RYR2: variants seen among roughly 807,000 people sequenced by gnomAD.
RYR2 encodes the protein cardiac muscle ryanodine receptor-calcium release channel.
RYR2 carries 227 observed loss-of-function variants against 601.1 expected under a neutral mutation model. That is an observed-to-expected ratio of 0.38 (90% CI 0.34 to 0.42). RYR2 has a LOEUF of 0.42. Among genes scored for constraint, RYR2 ranks in the 10% least tolerant of loss-of-function variants. RYR2 has a pLI of 1.00. For missense variants in RYR2, 4,646 were observed against 6,156.5 expected (o/e 0.75, Z 8.21); for synonymous variants, 2,223 against 2,175.1 (o/e 1.02, Z -0.61).
intron 64 of RYR2, 78 bp downstream of exon 64, chr1:237,699,103 C>G: frequency 1.5e-6 from 1 of 667,056 alleles, no homozygotes; most frequent in South Asian, 2.5e-5. Flanking sequence ...TAAGAAGGAC[C>G]CAGTGTCTGG....
At position 237,456,697 on chromosome 1, in the gene RYR2, C is replaced by G. The variant is rs776188922; in HGVS notation, c.1574C>G (p.Ser525Cys). Residue 525 changes from serine (S) to cysteine (C), a missense_variant, in exon 16 of 105, where the codon TCT (serine) becomes TGT (cysteine). By Grantham distance (112) the Ser-to-Cys change is moderately radical (BLOSUM62 -1). This residue lies in a region of RYR2 where 1,807 missense variants were observed against 2,088.1 expected (regional missense o/e 0.87). Coordinates refer to ENST00000366574, the MANE Select transcript of RYR2 (RefSeq NM_001035.3). ...GTTGCTGGGCGAGAAGCAGGAGAGTCTTGGAAATCCATTCTGAATTCTCTG... is the reference window on the plus strand; with the variant it reads ...GTTGCTGGGCGAGAAGCAGGAGAGTGTTGGAAATCCATTCTGAATTCTCTG... ...ADVAGREAGE[S>C]WKSILNSLYE... The G allele has an allele frequency of 6.8e-6, 11 of 1,613,356 alleles. No homozygotes were observed. The Middle Eastern group carries it at 4.9e-4, about 72-fold the overall frequency.
intron 20 of RYR2, 125 bp from the exon 21 acceptor site, chr1:237,500,586 T>C (rs1175760377): frequency 6.7e-6 from 5 of 741,712 alleles, no homozygotes; most frequent in Non-Finnish European, 1.1e-5. Context: ...ACATTCAAGA[T>C]TTATTCCTTC....
At chr1:237,337,113 G>A (rs1263807188) in intron 3 of RYR2, among the ~76,000 whole-genome samples, 2 of 151,740 alleles carry the variant, frequency 1.3e-5, no homozygotes, top group African/African-American at 4.8e-5. Context: ...TTAGCCAGAC[G>A]TGGTGACACG....
At chr1:237,157,295 C>CAAAAAAAAAAAAAAA (rs33922740) in intron 1 of RYR2, among the ~76,000 whole-genome samples, 9 of 63,512 alleles carry the variant, frequency 1.4e-4, no homozygotes, top group African/African-American at 3.9e-4. Flanking sequence ...GACTCCATCT[C>CAAAAAAAAAAAAAAA]AAAAAAAAAA....
In RYR2 at chr1:237,668,766, G is replaced by A. The variant is rs572060540; in HGVS notation, c.8590+808G>A. 5.9e-5 allele frequency among the ~76,000 whole-genome samples: 9 copies of A among 152,304 alleles called. No individual in the cohort carries two copies. In the South Asian group the frequency reaches 1.4e-3, roughly 25 times the overall value. On this transcript the variant is annotated intron_variant, in intron 58 of 104. Coordinates refer to ENST00000366574, the MANE Select transcript of RYR2 (RefSeq NM_001035.3). ...AAAGTGGGGATATTTCATGGTGAAAGGTAAAGCTGTGATATGGAAGGATGG... is the reference window on the plus strand; with the variant it reads ...AAAGTGGGGATATTTCATGGTGAAAAGTAAAGCTGTGATATGGAAGGATGG...
At chr1:237,565,965 T>C (rs1038873852) in intron 27 of RYR2, among the ~76,000 whole-genome samples, 1 of 152,184 alleles carries the variant, frequency 6.6e-6, no homozygotes, top group African/African-American at 2.4e-5. Flanking sequence ...ATACAGCATT[T>C]GTATGTATAG....
intron 38 of RYR2, 115 bp from the exon 39 acceptor site, chr1:237,623,650 C>T (rs950673715): frequency 1.6e-6 from 1 of 631,208 alleles, no homozygotes; most frequent in Non-Finnish European, 2.8e-6. Flanking sequence ...CCTCAGCCTC[C>T]CAGAGTGCTG....
chr1:237,775,999 G>A (rs1042303125), intron 87 of RYR2, among the ~76,000 whole-genome samples: 4 of 152,148 alleles, frequency 2.6e-5, no homozygotes, highest in Admixed American at 1.3e-4. Flanking sequence ...ACAACTTTTG[G>A]TCACCTAGGG....
intron 25 of RYR2, among the ~76,000 whole-genome samples, chr1:237,545,041 A>G (rs550682818): frequency 2.0e-5 from 3 of 152,324 alleles, no homozygotes; most frequent in African/African-American, 7.2e-5. Flanking sequence ...TAAGCTTCAA[A>G]TCCTTTCTCG....
intron 10 of RYR2, among the ~76,000 whole-genome samples, chr1:237,410,893 A>G (rs1704383965): frequency 6.6e-6 from 1 of 152,186 alleles, no homozygotes; most frequent in Non-Finnish European, 1.5e-5. Flanking sequence ...TAATGTATGC[A>G]TTCTTTTCAG....
At chr1:237,482,318 A>G (rs145319885) in intron 17 of RYR2, among the ~76,000 whole-genome samples, 114 of 151,862 alleles carry the variant, frequency 7.5e-4, no homozygotes, top group African/African-American at 2.5e-3. Context: ...ATTTTTTTGT[A>G]CCCATCAACC....
rs1430425553 is a variant in RYR2 at position 237,617,644 on chromosome 1, A to G, written c.5916+158A>G. Among the ~76,000 whole-genome samples, 4 of 152,204 alleles carry G rather than the reference A, an allele frequency of 2.6e-5. No individual in the cohort carries two copies. In the East Asian group the frequency reaches 7.7e-4, roughly 29 times the overall value. ...TAGTATTCTTAGTTTCACCAAAAGA[A>G]TTTCTTTGGTTAGTTTACACAAAAG... On this transcript the variant is annotated intron_variant, in intron 38 of 104. Coordinates refer to ENST00000366574, the MANE Select transcript of RYR2 (RefSeq NM_001035.3).
At chr1:237,118,010 T>C (rs1670330533) in intron 1 of RYR2, among the ~76,000 whole-genome samples, 3 of 152,156 alleles carry the variant, frequency 2.0e-5, no homozygotes, top group African/African-American at 7.2e-5. Flanking sequence ...CCTCCCAAAG[T>C]GTTGGGATTA....
intron 1 of RYR2, among the ~76,000 whole-genome samples, chr1:237,237,907 T>C (rs1324269622): frequency 2.1e-5 from 2 of 93,812 alleles, no homozygotes; most frequent in Admixed American, 1.3e-4. Flanking sequence ...CCTTTCCTTT[T>C]TCCTTTCCTT....
chr1:237,042,397 C>G lies in RYR2; in HGVS notation c.-125C>G, dbSNP rs1572422520. On this transcript the variant is annotated 5_prime_UTR_variant, in exon 1 of 105. Transcript: ENST00000366574. ...CGGGGACCGCCCGGCGCTCGGCACC[C>G]GGCAGCGCGGCCCCCTCCAGCCCCC... The G allele has an allele frequency of 5.2e-6, 5 of 956,620 alleles. No homozygotes were observed. The East Asian group carries it at 1.6e-4, about 31-fold the overall frequency. The allele number at this position is 956,620 out of a possible 1,614,324, so 59.3% of individuals were successfully genotyped here.
rs1283235141 is a variant in RYR2 at position 237,080,022 on chromosome 1, A to G, written c.48+37453A>G. ...TTGACAAACCTGAGAAAAACAAGCA[A>G]TGGGGAAAGGATTCCCTATTTAATA... On this transcript the variant is annotated intron_variant, in intron 1 of 104. Coordinates refer to ENST00000366574, the MANE Select transcript of RYR2 (RefSeq NM_001035.3). Among the ~76,000 whole-genome samples the G allele has an allele frequency of 4.1e-4, 33 of 79,864 alleles. No individual in the cohort carries two copies. In the South Asian group the frequency reaches 5.8e-3, roughly 14 times the overall value. 52.4% of individuals were successfully genotyped at this position (79,864 alleles called of 152,430 possible). A position where few individuals can be genotyped will look rare whatever the true frequency, so the allele number is the denominator to read the frequency against.
chr1:237,795,182 G>C lies in RYR2; in HGVS notation c.13914-107G>C. 2 of 555,118 alleles carry C rather than the reference G, an allele frequency of 3.6e-6. 1 individual carries two copies. The highest frequency in any genetic ancestry group is 7.2e-5 in the East Asian group (2 of 27,746). 34.4% of individuals were successfully genotyped at this position (555,118 alleles called of 1,614,324 possible). A position where few individuals can be genotyped will look rare whatever the true frequency, so the allele number is the denominator to read the frequency against. The stretch of plus-strand genomic sequence containing the variant: ...AATTCATTGTAAGTTTACGTGGCAG[G>C]ATATATGTTTACATATTATTTTAAG... On this transcript the variant is annotated intron_variant, in intron 95 of 104. Coordinates refer to ENST00000366574, the MANE Select transcript of RYR2 (RefSeq NM_001035.3).
At chr1:237,567,723 A>G (rs1672240664) in intron 28 of RYR2, among the ~76,000 whole-genome samples, 1 of 151,770 alleles carries the variant, frequency 6.6e-6, no homozygotes, top group Non-Finnish European at 1.5e-5. Flanking sequence ...TTTTAAGTGA[A>G]TTTATTTTCC....
Position 237,468,003 on chromosome 1 carries a change from C to G in RYR2, c.1613-1089C>G, listed in dbSNP as rs184809976. ...CCTCCTGAGTAGCTGGGATTACAGG[C>G]GCCCACCACCATGCCTGGCTAATTT... On this transcript the variant is annotated intron_variant, in intron 16 of 104. Coordinates refer to ENST00000366574, the MANE Select transcript of RYR2 (RefSeq NM_001035.3). Among the ~76,000 whole-genome samples, 16 of 151,894 alleles carry G rather than the reference C, an allele frequency of 1.1e-4. No homozygotes were observed. In the South Asian group the frequency reaches 3.1e-3, roughly 30 times the overall value.
Sources: allele counts gnomAD v4.1 joint callset (sites outside exome capture counted in the v4.1 genomes callset), GRCh38; gene constraint gnomAD v4.1.1; regional missense constraint gnomAD v4.1.1; transcripts MANE v1.5; gene names NCBI Gene and HGNC (gene_info 2026-07-23, HGNC 2026-07-21).